C5AR1: variants seen among roughly 807,000 people sequenced by gnomAD.
C5AR1 encodes the protein complement C5a receptor 1.
In C5AR1, 4 loss-of-function variants were observed where a neutral mutation model predicts 2.4. The observed-to-expected ratio is 1.65, with a 90% CI of 0.81 to 3.77. The LOEUF is 3.77. C5AR1 is among the 30% of genes most tolerant of loss of function. The probability of loss-of-function intolerance (pLI) is 0.01; values close to 1 mark genes in which losing one functional copy is unlikely to be tolerated. For missense variants in C5AR1, 418 were observed against 462.5 expected, an observed-to-expected ratio of 0.90 and a Z score of 0.88; for synonymous variants, 209 against 210.4, an observed-to-expected ratio of 0.99 and a Z score of 0.06.
chr19:47,307,617 G>A (rs1415224350), upstream of C5AR1: 1 of 152,228 alleles, frequency 6.6e-6, no homozygotes, highest in Non-Finnish European at 1.5e-5. Context: ...AAAGTGCTGG[G>A]ATTGCAGGCA....
intron 1 of C5AR1, among the ~76,000 whole-genome samples, chr19:47,314,090 C>A: frequency 6.6e-6 from 1 of 152,194 alleles, no homozygotes; most frequent in East Asian, 1.9e-4. Flanking sequence ...GTCACCTGGA[C>A]AGTTCCAATC....
At chr19:47,315,541 T>C (rs1215480009) in intron 1 of C5AR1, among the ~76,000 whole-genome samples, 1 of 152,084 alleles carries the variant, frequency 6.6e-6, no homozygotes, top group Non-Finnish European at 1.5e-5. Context: ...TGCTGGGAGC[T>C]TGCGAAACCA....
At chr19:47,310,764 T>G (rs764715763) in intron 1 of C5AR1, among the ~76,000 whole-genome samples, 1 of 152,214 alleles carries the variant, frequency 6.6e-6, no homozygotes, top group Non-Finnish European at 1.5e-5. Context: ...CCCAAAGCTC[T>G]GGGATTACTG....
chr19:47,316,887 A>C (rs1017049630), intron 1 of C5AR1, among the ~76,000 whole-genome samples: 2 of 152,002 alleles, frequency 1.3e-5, no homozygotes, highest in Non-Finnish European at 2.9e-5. Context: ...GAAAAAAAAA[A>C]ACAAAACTAT....
In C5AR1 at chr19:47,320,987, G is replaced by T. The variant is rs1599733220; in HGVS notation, c.*157G>T. 4 of 639,910 alleles carry T rather than the reference G, an allele frequency of 6.3e-6. No homozygotes were observed. The South Asian group carries it at 8.0e-5, about 13-fold the overall frequency. The allele number at this position is 639,910 out of a possible 1,614,324, so 39.6% of individuals were successfully genotyped here. A position where few individuals can be genotyped will look rare whatever the true frequency, so the allele number is the denominator to read the frequency against. ...TCCCAGACTTGTCCCTCCTTTTCCA[G>T]CGGGACTCTTCTCATCCTTCCTCAT... On this transcript the variant is annotated 3_prime_UTR_variant, in exon 2 of 2. Coordinates refer to ENST00000355085, the MANE Select transcript of C5AR1 (RefSeq NM_001736.4). The surrounding 1 kb of genome is among the most constrained non-coding windows in gnomAD (Gnocchi z 4.9).
chr19:47,316,306 TATCATCTATCTCTCA>T (rs1446455783), intron 1 of C5AR1, among the ~76,000 whole-genome samples: 1 of 151,900 alleles, frequency 6.6e-6, no homozygotes, highest in Non-Finnish European at 1.5e-5. Context: ...TCTATCTATC[TATCATCTATCTCTCA>T]ATCATATCTC....
intron 1 of C5AR1, among the ~76,000 whole-genome samples, chr19:47,311,238 G>A (rs531605781): frequency 2.8e-4 from 43 of 151,700 alleles, no homozygotes; most frequent in Non-Finnish European, 4.7e-4. Context: ...TCGGCCAGGC[G>A]CGGTGGCTCA....
At chr19:47,317,520 A>ATG (rs2059293786) in intron 1 of C5AR1, among the ~76,000 whole-genome samples, 1 of 54,454 alleles carries the variant, frequency 1.8e-5, no homozygotes, top group Non-Finnish European at 5.2e-5. Context: ...AAAAAAAAAA[A>ATG]TATATATATA....
chr19:47,309,989 G>C (rs1027051256), intron 1 of C5AR1, 91 bp downstream of exon 1: 1 of 1,327,204 alleles, frequency 7.5e-7, no homozygotes, highest in Non-Finnish European at 1.1e-6. Context: ...CCCAACTCTC[G>C]CCGTCAACTC....
chr19:47,308,595 G>A (rs977762063), upstream of C5AR1, among the ~76,000 whole-genome samples: 1 of 149,354 alleles, frequency 6.7e-6, no homozygotes, highest in African/African-American at 2.5e-5. Context: ...GGTGTTGTCA[G>A]CCTGGGCTGG....
chr19:47,319,835 C>T lies in C5AR1; in HGVS notation c.58C>T (p.Leu20=), dbSNP rs1599732117. ...TGGGCACTATGATGACAAGGATACC[C>T]TGGACCTCAACACCCCTGTGGATAA... ...DYGHYDDKDT[L]DLNTPVDKTS... The change falls in exon 2 of 2, where the codon CTG becomes TTG. Residue 20 remains leucine (L), a synonymous_variant. Transcript: ENST00000355085. 3.1e-6 allele frequency: 5 copies of T among 1,614,080 alleles called. No homozygotes were observed. The highest frequency in any genetic ancestry group is 4.2e-6 in the Non-Finnish European group (5 of 1,179,906).
rs888022333 is a variant in C5AR1, at chr19:47,321,879, C to T, written c.*1049C>T. ...TCACCACAGGGATCCCCAGGATGCC[C>T]ACTTCCCTCCACCCCCACACCCCAG... On this transcript the variant is annotated 3_prime_UTR_variant, in exon 2 of 2. Transcript: ENST00000355085. 1 of 152,056 alleles carries T rather than the reference C, an allele frequency of 6.6e-6. No individual in the cohort carries two copies. The highest frequency in any genetic ancestry group is 2.4e-5 in the African/African-American group (1 of 41,380). The allele number at this position is 152,056 out of a possible 1,614,324, so 9.4% of individuals were successfully genotyped here.
Position 47,309,917 on chromosome 19 carries a change from T to C in C5AR1, c.3+19T>C. ...GAACATGGTGAGTCTCGAAGGGGAA[T>C]GGGAGCAGGAAACTTTGTCCTGGGT... On this transcript the variant is annotated intron_variant, in intron 1 of 1. Coordinates refer to ENST00000355085, the MANE Select transcript of C5AR1 (RefSeq NM_001736.4). 1.2e-6 allele frequency: 2 copies of C among 1,609,646 alleles called. No homozygotes were observed. Among genetic ancestry groups the C allele is most frequent in the Non-Finnish European group, 1.7e-6 (2 of 1,177,894 alleles).
intron 1 of C5AR1, among the ~76,000 whole-genome samples, chr19:47,318,200 G>A (rs2059296120): frequency 1.3e-5 from 2 of 152,012 alleles, no homozygotes; most frequent in Admixed American, 6.6e-5. Flanking sequence ...ATTCCAGCCC[G>A]TATGGGTTCA....
chr19:47,309,785 C>G (rs1257878820), upstream of C5AR1: 3 of 1,217,188 alleles, frequency 2.5e-6, no homozygotes, highest in African/African-American at 4.5e-5. Context: ...AATGAGAGCC[C>G]CAGAGAGAAA....
At chr19:47,318,466 G>C (rs184869702) in intron 1 of C5AR1, among the ~76,000 whole-genome samples, 1 of 151,982 alleles carries the variant, frequency 6.6e-6, no homozygotes, top group Non-Finnish European at 1.5e-5. Context: ...GCTAATTTTT[G>C]TATTTTTAGT....
Position 47,320,092 on chromosome 19 carries a change from C to T in C5AR1, c.315C>T (p.Gly105=), listed in dbSNP as rs145650202. ...TACAGCATCACCACTGGCCCTTTGG[C>T]GGGGCCGCCTGCAGCATCCTGCCCT... ...SIVQHHHWPF[G]GAACSILPSL... is the part of the protein sequence containing the mutation. The change falls in exon 2 of 2, where the codon GGC becomes GGT. Residue 105 remains glycine, a synonymous_variant. Coordinates refer to ENST00000355085, the MANE Select transcript of C5AR1 (RefSeq NM_001736.4). This position sits in a 1 kb window ranked among gnomAD's most constrained non-coding sequence, Gnocchi z 4.9. 4,768 of 1,614,112 alleles carry T rather than the reference C, an allele frequency of 3.0e-3. 14 individuals are homozygous for T. The highest frequency in any genetic ancestry group is 8.2e-3 in the Middle Eastern group (50 of 6,062).
chr19:47,308,915 C>T (rs1441391232), upstream of C5AR1, among the ~76,000 whole-genome samples: 2 of 152,036 alleles, frequency 1.3e-5, no homozygotes, highest in Non-Finnish European at 2.9e-5. Flanking sequence ...GCTGGGATTA[C>T]AGGCACCTGC....
At chr19:47,318,639 A>G (rs1440056062) in intron 1 of C5AR1, among the ~76,000 whole-genome samples, 2 of 152,004 alleles carry the variant, frequency 1.3e-5, no homozygotes, top group Non-Finnish European at 2.9e-5. Flanking sequence ...TGTGGTCAGG[A>G]TGGAAAGAGC....
Sources: gnomAD v4.1 joint callset for allele counts (sites outside exome capture counted in the v4.1 genomes callset) on GRCh38, gnomAD v4.1.1 for gene constraint, Gnocchi (gnomAD v3.1) non-coding constraint, MANE v1.5 for transcripts, NCBI Gene and HGNC (gene_info 2026-07-23, HGNC 2026-07-21) for gene names.